TENM1: variants seen among roughly 807,000 people sequenced by gnomAD.
TENM1 encodes the protein teneurin-1.
In TENM1, 35 loss-of-function variants were observed where a neutral mutation model predicts 174.8. The ratio of observed to expected loss-of-function variants is 0.20; its 90% CI spans 0.15 to 0.27. The LOEUF is 0.27. Among genes scored for constraint, TENM1 ranks in the 10% least tolerant of loss-of-function variants. The probability of loss-of-function intolerance (pLI) is 1.00; values close to 1 mark genes in which losing one functional copy is unlikely to be tolerated. For missense variants in TENM1, 1,633 were observed against 2,130.1 expected (o/e 0.77, Z 4.59); for synonymous variants, 781 against 798.7 (o/e 0.98, Z 0.37).
intron 11 of TENM1, among the ~76,000 whole-genome samples, chrX:124,591,690 G>C (rs929093501): frequency 9.0e-6 from 1 of 111,381 alleles, no homozygotes; most frequent in Non-Finnish European, 1.9e-5. Flanking sequence ...ATAGTCTGCG[G>C]ACTACATGCA....
chrX:124,617,409 G>A (rs998642940), intron 11 of TENM1, among the ~76,000 whole-genome samples: 6 of 111,846 alleles, frequency 5.4e-5, no homozygotes, highest in Non-Finnish European at 9.4e-5. Context: ...CTGAAGCAGA[G>A]GGAAATTGAG....
the TENM1 span, among the ~76,000 whole-genome samples, chrX:124,970,276 C>G: frequency 9.0e-6 from 1 of 111,618 alleles, no homozygotes; most frequent in African/African-American, 3.3e-5. Context: ...TTTGGAACTT[C>G]CTCCAAATAG....
chrX:125,075,285 T>G, the TENM1 span, among the ~76,000 whole-genome samples: 2 of 112,206 alleles, frequency 1.8e-5, no homozygotes, highest in South Asian at 7.4e-4. Flanking sequence ...ATAATGTTTT[T>G]GAGATTCATC....
At chrX:124,449,363 AG>A (rs1270817866) in intron 23 of TENM1, among the ~76,000 whole-genome samples, 2 of 112,140 alleles carry the variant, frequency 1.8e-5, no homozygotes, top group Non-Finnish European at 3.8e-5. Context: ...GAAAAGGATG[AG>A]GTAGATTTTA....
the TENM1 span, among the ~76,000 whole-genome samples, chrX:124,995,658 A>G: frequency 9.0e-6 from 1 of 111,706 alleles, no homozygotes; most frequent in Non-Finnish European, 1.9e-5. Flanking sequence ...CAGTCCCACT[A>G]CTACAATAAT....
intron 25 of TENM1, 93 bp downstream of exon 28, chrX:124,420,218 T>G: frequency 1.0e-6 from 1 of 968,722 alleles, no homozygotes. Context: ...GAAAACAGCA[T>G]GCAACACTCA....
chrX:124,809,096 C>G (rs191592496), intron 3 of TENM1, among the ~76,000 whole-genome samples: 2 of 109,955 alleles, frequency 1.8e-5, no homozygotes, highest in Non-Finnish European at 3.8e-5. Flanking sequence ...AAGACTCAAA[C>G]GAAAATCAGA....
the TENM1 span, among the ~76,000 whole-genome samples, chrX:125,067,096 AT>A: frequency 9.0e-6 from 1 of 111,042 alleles, no homozygotes; most frequent in Non-Finnish European, 1.9e-5. Context: ...TGATTTGCAA[AT>A]GTAATTTTTT....
At chrX:124,396,318 T>TTTTTTTTTTTTTC (rs1569529045) in intron 27 of TENM1, among the ~76,000 whole-genome samples, 1 of 101,551 alleles carries the variant, frequency 9.8e-6, no homozygotes, top group African/African-American at 3.7e-5. Flanking sequence ...TTTTTTTTTT[T>TTTTTTTTTTTTTC]CGAGCCGGAG....
At chrX:124,621,243 G>A (rs1190294816) in intron 11 of TENM1, among the ~76,000 whole-genome samples, 4 of 111,709 alleles carry the variant, frequency 3.6e-5, no homozygotes, top group Non-Finnish European at 7.5e-5. Flanking sequence ...TGCAGGAGGC[G>A]GGCGGATCAC....
At chrX:124,901,318 A>T (rs1329134812) in intron 1 of TENM1, among the ~76,000 whole-genome samples, 8 of 110,853 alleles carry the variant, frequency 7.2e-5, no homozygotes, top group Non-Finnish European at 1.1e-4. Flanking sequence ...ATTTTTTTTT[A>T]AATGCTATGA....
the TENM1 span, among the ~76,000 whole-genome samples, chrX:125,186,801 C>T: frequency 2.7e-5 from 3 of 111,428 alleles, no homozygotes; most frequent in Non-Finnish European, 5.7e-5. Flanking sequence ...TATGGCATGA[C>T]GAATAGACTA....
chrX:124,912,119 G>T (rs2057847215), intron 1 of TENM1, among the ~76,000 whole-genome samples: 1 of 111,475 alleles, frequency 9.0e-6, no homozygotes, highest in African/African-American at 3.3e-5. Context: ...ATTTTCATCT[G>T]TATATTAATC....
intron 18 of TENM1, among the ~76,000 whole-genome samples, chrX:124,505,417 G>A (rs753969826): frequency 1.8e-4 from 20 of 111,830 alleles, no homozygotes; most frequent in African/African-American, 5.8e-4. Flanking sequence ...GGATCTCAAA[G>A]GTAATCTAGT....
At chrX:125,097,705 T>C in the TENM1 span, among the ~76,000 whole-genome samples, 221 of 112,360 alleles carry the variant, frequency 2.0e-3, 1 homozygote, top group African/African-American at 6.8e-3. Context: ...GAAGAAAACA[T>C]GCTTAGCAAT....
chrX:125,015,874 A>T, the TENM1 span, among the ~76,000 whole-genome samples: 1 of 111,647 alleles, frequency 9.0e-6, no homozygotes, highest in Non-Finnish European at 1.9e-5. Flanking sequence ...AAATAGTAAA[A>T]TTAAAAAGTT....
In TENM1 at chrX:124,500,947, C is replaced by T. The variant is rs772099555; in HGVS notation, c.3445+2613G>A. Among the ~76,000 whole-genome samples the T allele has an allele frequency of 2.7e-5, 3 of 111,720 alleles. No homozygotes were observed. The South Asian group carries it at 1.1e-3, about 42-fold the overall frequency. On this transcript the variant is annotated intron_variant, in intron 19 of 31. Transcript: ENST00000422452. ...TGCCAGTGTGATCAATGGACATTTA[C>T]TTCTCCTCCCAGTAAAACCATTTGT...
chrX:124,396,161 G>T (rs1273831849), intron 27 of TENM1, among the ~76,000 whole-genome samples: 2 of 111,304 alleles, frequency 1.8e-5, no homozygotes, highest in Non-Finnish European at 3.8e-5. Context: ...AGTCAGGTTT[G>T]GAAGTTAATG....
At chrX:125,105,068 C>G in the TENM1 span, among the ~76,000 whole-genome samples, 3 of 112,056 alleles carry the variant, frequency 2.7e-5, no homozygotes, top group East Asian at 8.4e-4. Context: ...TAATTTTTAA[C>G]ATAGAATTAA....
Sources: gnomAD v4.1 joint callset for allele counts (sites outside exome capture counted in the v4.1 genomes callset) on GRCh38, gnomAD v4.1.1 for gene constraint, MANE v1.5 for transcripts, NCBI Gene and HGNC (gene_info 2026-07-23, HGNC 2026-07-21) for gene names.